The following FARP2 variants were observed in gnomAD, a reference collection of about 807,000 sequenced individuals.
FARP2 encodes the protein FERM, ARH/RhoGEF and pleckstrin domain protein 2.
In FARP2, 111 loss-of-function variants were observed where a neutral mutation model predicts 130.5. The observed-to-expected ratio is 0.85, with a 90% CI of 0.73 to 1.00. FARP2 has a LOEUF of 1.00. FARP2 is among the 50% of genes least tolerant of loss of function. The pLI, the probability that FARP2 is intolerant of heterozygous loss-of-function variation, is 0.00. For missense variants in FARP2, 1,385 were observed against 1,346.3 expected (o/e 1.03, Z -0.45); for synonymous variants, 504 against 516.9 (o/e 0.98, Z 0.34).
At chr2:241,453,173 T>C (rs908863662) in intron 13 of FARP2, among the ~76,000 whole-genome samples, 1 of 147,694 alleles carries the variant, frequency 6.8e-6, no homozygotes, top group African/African-American at 2.5e-5. Context: ...GTACTAAAAA[T>C]ACAAAAATTA....
intron 8 of FARP2, among the ~76,000 whole-genome samples, chr2:241,418,425 T>A (rs1351083399): frequency 6.6e-6 from 1 of 152,092 alleles, no homozygotes; most frequent in Non-Finnish European, 1.5e-5. Flanking sequence ...GACTTCGCAT[T>A]CCCTCCTGGG....
At chr2:241,440,666 A>T (rs987342576) in intron 12 of FARP2, among the ~76,000 whole-genome samples, 1 of 152,214 alleles carries the variant, frequency 6.6e-6, no homozygotes, top group Non-Finnish European at 1.5e-5. Flanking sequence ...CATCTCTGAC[A>T]GATGAGTGCG....
At chr2:241,449,016 C>T (rs1187158858) in intron 13 of FARP2, among the ~76,000 whole-genome samples, 3 of 152,192 alleles carry the variant, frequency 2.0e-5, no homozygotes, top group Non-Finnish European at 4.4e-5. Context: ...CTATCTCCCG[C>T]TTGTATTCTT....
chr2:241,406,008 AAAC>A (rs745473016), intron 4 of FARP2, among the ~76,000 whole-genome samples: 1 of 151,870 alleles, frequency 6.6e-6, no homozygotes, highest in Non-Finnish European at 1.5e-5. Flanking sequence ...TTTTTCCCTA[AAAC>A]ATAAACTGGG....
At chr2:241,452,951 AAAAG>A (rs1175015521) in intron 13 of FARP2, among the ~76,000 whole-genome samples, 1 of 151,392 alleles carries the variant, frequency 6.6e-6, no homozygotes, top group Non-Finnish European at 1.5e-5. Flanking sequence ...TCAAAAAAAA[AAAAG>A]AAAAATGTTT....
chr2:241,358,203 A>G (rs75604984), intron 1 of FARP2, among the ~76,000 whole-genome samples: 2,460 of 152,364 alleles, frequency 0.016, 43 homozygotes, highest in African/African-American at 0.042. Context: ...AAATAAAAAA[A>G]TAAATAAAAA....
chr2:241,483,873 G>T (rs1007017074), intron 20 of FARP2: 2 of 985,292 alleles, frequency 2.0e-6, no homozygotes, highest in African/African-American at 3.5e-5. Flanking sequence ...GGCCAGTCGG[G>T]ACAGTTTCAC....
chr2:241,429,242 C>T (rs2063033027), intron 8 of FARP2, among the ~76,000 whole-genome samples: 1 of 152,082 alleles, frequency 6.6e-6, no homozygotes, highest in Non-Finnish European at 1.5e-5. Context: ...CTGCCTTTAA[C>T]TGGTTGTCTC....
At chr2:241,364,523 T>C (rs534349054) in intron 1 of FARP2, among the ~76,000 whole-genome samples, 36 of 152,382 alleles carry the variant, frequency 2.4e-4, no homozygotes, top group Non-Finnish European at 3.8e-4. Context: ...TGTGGAAATT[T>C]GTTAAGGCTA....
At chr2:241,423,280 C>T (rs946163280) in intron 8 of FARP2, among the ~76,000 whole-genome samples, 1 of 152,210 alleles carries the variant, frequency 6.6e-6, no homozygotes, top group African/African-American at 2.4e-5. Flanking sequence ...AGAAACCCTA[C>T]AAGCCAGAAG....
At chr2:241,447,741 T>G (rs2063544329) in intron 13 of FARP2, among the ~76,000 whole-genome samples, 2 of 152,154 alleles carry the variant, frequency 1.3e-5, no homozygotes, top group African/African-American at 4.8e-5. Context: ...TTCTGCTGCC[T>G]CCGTGGAATG....
intron 4 of FARP2, among the ~76,000 whole-genome samples, chr2:241,406,282 T>G (rs1405031079): frequency 6.6e-6 from 1 of 151,982 alleles, no homozygotes; most frequent in Non-Finnish European, 1.5e-5. Context: ...CACTCCAGCC[T>G]GGGCGACAGA....
intron 8 of FARP2, among the ~76,000 whole-genome samples, chr2:241,422,352 A>G (rs1026094573): frequency 7.9e-5 from 12 of 150,946 alleles, no homozygotes; most frequent in Admixed American, 2.0e-4. Flanking sequence ...GCAGTGAGCC[A>G]AGATCGTGCC....
chr2:241,425,761 TGAG>T (rs1471734011), intron 8 of FARP2, among the ~76,000 whole-genome samples: 5 of 97,702 alleles, frequency 5.1e-5, no homozygotes, highest in African/African-American at 1.9e-4. Context: ...TTTTTTTTTT[TGAG>T]ACAGAGTTTC....
chr2:241,361,909 T>A (rs1043139013), intron 1 of FARP2, among the ~76,000 whole-genome samples: 3 of 151,910 alleles, frequency 2.0e-5, no homozygotes, highest in African/African-American at 7.2e-5. Context: ...TATTTATTTT[T>A]TTTTAGACAG....
At chr2:241,365,860 T>A (rs2061291797) in intron 1 of FARP2, among the ~76,000 whole-genome samples, 1 of 151,878 alleles carries the variant, frequency 6.6e-6, no homozygotes, top group Admixed American at 6.6e-5. Flanking sequence ...GTGAAACCAT[T>A]TATGAGGTTC....
intron 24 of FARP2, chr2:241,492,656 G>A (rs1217990153): frequency 5.3e-6 from 2 of 376,412 alleles, no homozygotes; most frequent in Admixed American, 4.2e-5. Context: ...GCTGTTGGAT[G>A]GGTTTGTGGA....
At chr2:241,425,863 GT>G (rs201687563) in intron 8 of FARP2, among the ~76,000 whole-genome samples, 2,279 of 126,460 alleles carry the variant, frequency 0.018, 27 homozygotes, top group Middle Eastern at 0.068. Flanking sequence ...TAATTCTTTT[GT>G]TTTTTTTTTT....
intron 20 of FARP2, 32 bp from the exon 21 acceptor site, chr2:241,484,210 A>T (rs1487832082): frequency 6.2e-7 from 1 of 1,613,472 alleles, no homozygotes; most frequent in Non-Finnish European, 8.5e-7. Flanking sequence ...TTGTTTGTGA[A>T]GTTCATGGAT....
Sources: gnomAD v4.1 joint callset for allele counts (sites outside exome capture counted in the v4.1 genomes callset) on GRCh38, gnomAD v4.1.1 for gene constraint, MANE v1.5 for transcripts, NCBI Gene and HGNC (gene_info 2026-07-23, HGNC 2026-07-21) for gene names.